The following SRBD1 variants were observed in gnomAD, a reference collection of about 807,000 sequenced individuals.
The protein encoded by SRBD1 is S1 RNA binding domain 1.
A neutral mutation model predicts 115.3 loss-of-function variants in SRBD1; 88 were observed. The observed-to-expected ratio is 0.76, with a 90% CI of 0.64 to 0.91. The LOEUF is 0.91. Ranked by LOEUF, SRBD1 falls within the 40% of genes least tolerant of loss-of-function variation. The probability of loss-of-function intolerance (pLI) is 0.00; values close to 1 mark genes in which losing one functional copy is unlikely to be tolerated. For missense variants in SRBD1, 1,385 were observed against 1,177.4 expected (o/e 1.18, Z -2.58); for synonymous variants, 509 against 407.7 (o/e 1.25, Z -2.99).
chr2:45,472,366 A>G (rs1169325080), intron 16 of SRBD1, among the ~76,000 whole-genome samples: 2 of 152,220 alleles, frequency 1.3e-5, no homozygotes, highest in Non-Finnish European at 2.9e-5. Flanking sequence ...TTGGGGTGAT[A>G]AAAATGTTCT....
Position 45,547,562 on chromosome 2 carries a change from G to A in SRBD1, c.1726C>T (p.Arg576Ter), listed in dbSNP as rs777629969. 38 of 1,613,336 alleles carry A rather than the reference G, an allele frequency of 2.4e-5. No homozygotes were observed. Among genetic ancestry groups the A allele is most frequent in the Non-Finnish European group, 3.1e-5 (37 of 1,179,644 alleles). ...AGTGTCTTTATTTTCTCCGCCTCTCGGAAGCCTTGTCCACAATGCAAGTAA... is the reference window on the plus strand; with the variant it reads ...AGTGTCTTTATTTTCTCCGCCTCTCAGAAGCCTTGTCCACAATGCAAGTAA... The part of the protein sequence containing the change: ...VVYLHCGQGF[R>*]EAEKIKTLLL... Residue 576 changes from arginine to a stop codon, truncating the protein, a stop_gained, in exon 13 of 21, where the codon CGA becomes TGA. Coordinates refer to ENST00000263736, the MANE Select transcript of SRBD1 (RefSeq NM_018079.5). LOFTEE classifies it high-confidence loss of function.
chr2:45,495,358 T>C (rs879337080), intron 14 of SRBD1, among the ~76,000 whole-genome samples: 2 of 152,210 alleles, frequency 1.3e-5, no homozygotes, highest in Non-Finnish European at 2.9e-5. Flanking sequence ...ACAAAAAAGA[T>C]GGAAAGTTTG....
intron 7 of SRBD1, among the ~76,000 whole-genome samples, chr2:45,579,351 A>T (rs1287073526): frequency 6.6e-6 from 1 of 152,170 alleles, no homozygotes; most frequent in Non-Finnish European, 1.5e-5. Flanking sequence ...GGATGTCAAA[A>T]CTCTTGACAT....
At chr2:45,493,996 T>C (rs559394561) in intron 14 of SRBD1, among the ~76,000 whole-genome samples, 40 of 152,118 alleles carry the variant, frequency 2.6e-4, no homozygotes, top group Admixed American at 2.4e-3. Context: ...TTTTTAGCAA[T>C]ACATGCAAAT....
chr2:45,563,621 C>T (rs531649787), intron 9 of SRBD1, among the ~76,000 whole-genome samples: 1 of 151,740 alleles, frequency 6.6e-6, no homozygotes, highest in Non-Finnish European at 1.5e-5. Flanking sequence ...AAAAGAGAGG[C>T]CACTACTAAG....
At chr2:45,520,933 T>C (rs1572728610) in intron 14 of SRBD1, among the ~76,000 whole-genome samples, 1 of 152,172 alleles carries the variant, frequency 6.6e-6, no homozygotes, top group Non-Finnish European at 1.5e-5. Flanking sequence ...AGAAAGCTAT[T>C]GCAATGGCCC....
chr2:45,561,700 A>C (rs923309102), intron 10 of SRBD1, among the ~76,000 whole-genome samples: 1 of 152,230 alleles, frequency 6.6e-6, no homozygotes, highest in African/African-American at 2.4e-5. Flanking sequence ...GATTTTTGTG[A>C]GGATCAATTA....
chr2:45,467,530 G>T (rs1669526575), intron 16 of SRBD1, among the ~76,000 whole-genome samples: 1 of 152,120 alleles, frequency 6.6e-6, no homozygotes, highest in Admixed American at 6.6e-5. Context: ...CAGTCTACAG[G>T]TTTGTCGTAG....
At chr2:45,418,612 T>A in intron 17 of SRBD1, 71 bp from the exon 18 acceptor site, 58 of 1,258,626 alleles carry the variant, frequency 4.6e-5, no homozygotes, top group East Asian at 1.2e-4. Flanking sequence ...AACATTTGGA[T>A]CATAAAAACG....
chr2:45,494,986 C>G (rs1319051867), intron 14 of SRBD1, among the ~76,000 whole-genome samples: 1 of 152,064 alleles, frequency 6.6e-6, no homozygotes, highest in Non-Finnish European at 1.5e-5. Context: ...CAGAGAACAA[C>G]TCTAGTAGTG....
At chr2:45,444,782 G>T (rs777456363) in intron 16 of SRBD1, among the ~76,000 whole-genome samples, 8 of 152,184 alleles carry the variant, frequency 5.3e-5, no homozygotes, top group Non-Finnish European at 1.0e-4. Flanking sequence ...ACTGGCATCA[G>T]AAGCCACTCA....
At chr2:45,512,204 G>C (rs535493684) in intron 14 of SRBD1, among the ~76,000 whole-genome samples, 20 of 152,232 alleles carry the variant, frequency 1.3e-4, no homozygotes, top group African/African-American at 4.6e-4. Flanking sequence ...AAACCTGAAG[G>C]CTGCTTAAAG....
At chr2:45,603,873 G>C (rs943866812) in intron 2 of SRBD1, among the ~76,000 whole-genome samples, 1 of 151,902 alleles carries the variant, frequency 6.6e-6, no homozygotes, top group Non-Finnish European at 1.5e-5. Flanking sequence ...GACCTTCCCC[G>C]CTTGAGCTCA....
At chr2:45,535,748 T>C (rs1671745288) in intron 14 of SRBD1, among the ~76,000 whole-genome samples, 2 of 152,054 alleles carry the variant, frequency 1.3e-5, no homozygotes, top group Non-Finnish European at 2.9e-5. Flanking sequence ...ATCTCACAAA[T>C]CAAAAGAGAA....
intron 9 of SRBD1, among the ~76,000 whole-genome samples, chr2:45,570,563 G>C (rs763138587): frequency 1.1e-4 from 16 of 152,220 alleles, no homozygotes; most frequent in Admixed American, 3.3e-4. Context: ...AAAGGTAACT[G>C]GTAAGGTAGC....
chr2:45,509,987 G>C lies in SRBD1; in HGVS notation c.1875-21656C>G, dbSNP rs1438832189. Among the ~76,000 whole-genome samples the C allele has an allele frequency of 2.0e-5, 3 of 152,222 alleles. No individual in the cohort carries two copies. The East Asian group carries it at 5.8e-4, about 29-fold the overall frequency. On this transcript the variant is annotated intron_variant, in intron 14 of 20. Coordinates refer to ENST00000263736, the MANE Select transcript of SRBD1 (RefSeq NM_018079.5). ...TGAGCTCAAGTGATCCTCTCACCTT[G>C]GCCTCCCAAAATGTTGGGATTACAG...
At chr2:45,426,450 G>A (rs1458211704) in intron 16 of SRBD1, among the ~76,000 whole-genome samples, 1 of 152,220 alleles carries the variant, frequency 6.6e-6, no homozygotes, top group Admixed American at 6.5e-5. Flanking sequence ...GTTCTTGCCT[G>A]CTGGATCTGA....
chr2:45,509,645 A>ACG (rs1670907607), intron 14 of SRBD1, among the ~76,000 whole-genome samples: 2 of 150,588 alleles, frequency 1.3e-5, no homozygotes, highest in South Asian at 2.1e-4. Context: ...ACACACACAC[A>ACG]CGCAAAGAAG....
chr2:45,602,824 G>A (rs532462656), intron 2 of SRBD1, among the ~76,000 whole-genome samples: 5 of 152,184 alleles, frequency 3.3e-5, no homozygotes, highest in Non-Finnish European at 7.3e-5. Flanking sequence ...TGAGATGAGT[G>A]AATAGGGAAG....
Sources: allele counts gnomAD v4.1 joint callset (sites outside exome capture counted in the v4.1 genomes callset), GRCh38; gene constraint gnomAD v4.1.1; transcripts MANE v1.5; gene names NCBI Gene and HGNC (gene_info 2026-07-23, HGNC 2026-07-21).